Variants in SULT1E1 observed in about 807,000 individuals in gnomAD.
SULT1E1 encodes the protein sulfotransferase 1E1.
SULT1E1 carries 36 observed loss-of-function variants against 33.6 expected under a neutral mutation model. The observed-to-expected ratio is 1.07, with a 90% CI of 0.82 to 1.41. The LOEUF (loss-of-function observed/expected upper bound fraction) is 1.41, where lower values mean the gene tolerates loss of function less well. SULT1E1 is among the 40% of genes most tolerant of loss of function. SULT1E1 has a pLI of 0.00. For synonymous variants in SULT1E1, 121 were observed against 111.7 expected, an observed-to-expected ratio of 1.08 and a Z score of -0.53; for missense variants, 371 against 345.7, an observed-to-expected ratio of 1.07 and a Z score of -0.58.
At chr4:69,822,039 T>C in the SULT1E1 span, among the ~76,000 whole-genome samples, 1 of 152,210 alleles carries the variant, frequency 6.6e-6, no homozygotes, top group Non-Finnish European at 1.5e-5. Context: ...GAATGGTCCT[T>C]CTATGCTCTG....
intron 4 of SULT1E1, among the ~76,000 whole-genome samples, chr4:69,851,939 A>G (rs1721122890): frequency 6.6e-6 from 1 of 152,082 alleles, no homozygotes. Context: ...ACACCTGGAC[A>G]CAAGAAGGGG....
downstream of SULT1E1, among the ~76,000 whole-genome samples, chr4:69,836,288 C>T (rs1529039): frequency 0.12 from 17,521 of 152,174 alleles, 1,135 homozygotes; most frequent in Middle Eastern, 0.18. Flanking sequence ...AAAACTCTTC[C>T]TCCTAGTCAG....
intron 6 of SULT1E1, among the ~76,000 whole-genome samples, chr4:69,845,176 A>G (rs1372875529): frequency 6.6e-6 from 1 of 152,044 alleles, no homozygotes; most frequent in Non-Finnish European, 1.5e-5. Flanking sequence ...AAGTGGGGAT[A>G]GTTAATAAGT....
At chr4:69,828,363 T>G in the SULT1E1 span, among the ~76,000 whole-genome samples, 1 of 152,188 alleles carries the variant, frequency 6.6e-6, no homozygotes, top group Non-Finnish European at 1.5e-5. Flanking sequence ...TGAAGGTCTG[T>G]GGCTTCACTC....
chr4:69,844,098 T>C, intron 7 of SULT1E1, 63 bp downstream of exon 7: 1 of 1,498,418 alleles, frequency 6.7e-7, no homozygotes, highest in Non-Finnish European at 9.3e-7. Context: ...CACTAGATTT[T>C]TGCCTATAAC....
At chr4:69,858,033 C>A (rs1338253211) in intron 1 of SULT1E1, among the ~76,000 whole-genome samples, 1 of 152,040 alleles carries the variant, frequency 6.6e-6, no homozygotes, top group East Asian at 1.9e-4. Context: ...GTTATTTTAG[C>A]AAATTATCCA....
At chr4:69,825,205 G>T in the SULT1E1 span, among the ~76,000 whole-genome samples, 3 of 152,072 alleles carry the variant, frequency 2.0e-5, no homozygotes, top group Non-Finnish European at 4.4e-5. Context: ...CACTCACTGC[G>T]CAGGTCTCTG....
downstream of SULT1E1, among the ~76,000 whole-genome samples, chr4:69,839,341 G>A (rs1720842195): frequency 6.6e-6 from 1 of 152,208 alleles, no homozygotes; most frequent in Non-Finnish European, 1.5e-5. Flanking sequence ...GTAAGAGCCA[G>A]AGAGGACTCA....
chr4:69,844,661 G>A (rs953877113), intron 6 of SULT1E1, among the ~76,000 whole-genome samples: 11 of 152,032 alleles, frequency 7.2e-5, no homozygotes, highest in Non-Finnish European at 1.5e-5. Flanking sequence ...AAAACCTAAA[G>A]TCCCCTGTGA....
downstream of SULT1E1, among the ~76,000 whole-genome samples, chr4:69,840,356 T>C (rs1473129106): frequency 3.9e-5 from 6 of 152,182 alleles, no homozygotes; most frequent in Non-Finnish European, 8.8e-5. Flanking sequence ...TAGATAAGCA[T>C]TCTACTGAAG....
the SULT1E1 span, among the ~76,000 whole-genome samples, chr4:69,830,473 G>A: frequency 6.6e-6 from 1 of 152,194 alleles, no homozygotes; most frequent in African/African-American, 2.4e-5. Context: ...CGTAAAACTG[G>A]CTTGGTCTTT....
At chr4:69,845,488 A>T (rs1315439817) in intron 6 of SULT1E1, among the ~76,000 whole-genome samples, 1 of 151,476 alleles carries the variant, frequency 6.6e-6, no homozygotes, top group Non-Finnish European at 1.5e-5. Flanking sequence ...AAGAAAAAAG[A>T]TTATATGTAT....
intron 2 of SULT1E1, among the ~76,000 whole-genome samples, chr4:69,856,703 G>A (rs1366388429): frequency 6.6e-6 from 1 of 152,050 alleles, no homozygotes; most frequent in Non-Finnish European, 1.5e-5. Context: ...GGGAGGCCGA[G>A]GCGGGTGGAT....
the SULT1E1 span, among the ~76,000 whole-genome samples, chr4:69,824,686 CAATCAGCACTCTGTAAAGCACACT>C: frequency 6.6e-6 from 1 of 152,032 alleles, no homozygotes; most frequent in African/African-American, 2.4e-5. Flanking sequence ...GTAAATGCAC[CAATCAGCACTCTGTAAAGCACACT>C]AATCAGCACT....
At chr4:69,851,358 CAG>C (rs1309217875) in intron 4 of SULT1E1, among the ~76,000 whole-genome samples, 2 of 152,070 alleles carry the variant, frequency 1.3e-5, no homozygotes, top group African/African-American at 4.8e-5. Context: ...ATGCAGCCAA[CAG>C]ACACATGAAA....
the SULT1E1 span, among the ~76,000 whole-genome samples, chr4:69,830,918 C>T: frequency 1.3e-5 from 2 of 152,204 alleles, no homozygotes; most frequent in South Asian, 4.1e-4. Context: ...ACTCTGCCCC[C>T]TGGATGTGGC....
chr4:69,827,059 C>A, the SULT1E1 span, among the ~76,000 whole-genome samples: 1 of 152,086 alleles, frequency 6.6e-6, no homozygotes, highest in African/African-American at 2.4e-5. Context: ...TTGGCTCAAC[C>A]CAGGTACATG....
intron 4 of SULT1E1, among the ~76,000 whole-genome samples, chr4:69,851,417 T>C (rs1001376342): frequency 2.0e-5 from 3 of 151,972 alleles, no homozygotes; most frequent in African/African-American, 4.8e-5. Flanking sequence ...ATCAAAACCA[T>C]AATGAGATAC....
the SULT1E1 span, among the ~76,000 whole-genome samples, chr4:69,825,331 G>A: frequency 4.6e-5 from 7 of 151,790 alleles, no homozygotes; most frequent in Admixed American, 3.9e-4. Context: ...CTCACCGCGA[G>A]GGTCTGTGGC....
Sources: gnomAD v4.1 joint callset for allele counts (sites outside exome capture counted in the v4.1 genomes callset) on GRCh38, gnomAD v4.1.1 for gene constraint, MANE v1.5 for transcripts, NCBI Gene and HGNC (gene_info 2026-07-23, HGNC 2026-07-21) for gene names.